Variants in FAM163A observed in about 807,000 individuals in gnomAD.
The protein encoded by FAM163A is protein FAM163A.
Under a neutral mutation model 12.0 loss-of-function variants are expected in FAM163A, and 7 were observed. The ratio of observed to expected loss-of-function variants is 0.58; its 90% confidence interval spans 0.33 to 1.10. FAM163A has a LOEUF of 1.10. FAM163A is among the 50% of genes least tolerant of loss of function. FAM163A has a pLI of 0.03. For missense variants in FAM163A, 202 were observed against 218.6 expected (o/e 0.92, Z 0.48); for synonymous variants, 101 against 91.0 (o/e 1.11, Z -0.62).
chr1:179,755,696 A>G (rs1395314095), intron 1 of FAM163A, among the ~76,000 whole-genome samples: 1 of 152,202 alleles, frequency 6.6e-6, no homozygotes, highest in African/African-American at 2.4e-5. Flanking sequence ...TCCCAGGGGA[A>G]GCAACCACCA....
intron 1 of FAM163A, among the ~76,000 whole-genome samples, chr1:179,744,352 G>C (rs1306037765): frequency 6.6e-6 from 1 of 152,042 alleles, no homozygotes; most frequent in African/African-American, 2.4e-5. Context: ...AGAGCAGAGC[G>C]GGCAAGCAGA....
chr1:179,754,138 T>C (rs535706661), intron 1 of FAM163A, among the ~76,000 whole-genome samples: 35 of 152,300 alleles, frequency 2.3e-4, no homozygotes, highest in African/African-American at 8.4e-4. Flanking sequence ...CTCTTTTTTT[T>C]TCTAAGCACT....
At chr1:179,769,576 C>T (rs1408233191) in intron 1 of FAM163A, among the ~76,000 whole-genome samples, 3 of 152,148 alleles carry the variant, frequency 2.0e-5, no homozygotes, top group Non-Finnish European at 2.9e-5. Flanking sequence ...ATTGTAAGCT[C>T]TGGAAAATAA....
At chr1:179,733,518 C>A in the FAM163A span, among the ~76,000 whole-genome samples, 3 of 152,060 alleles carry the variant, frequency 2.0e-5, no homozygotes, top group African/African-American at 7.3e-5. Context: ...AAAATTAAGA[C>A]CCTCACAGAG....
At chr1:179,763,749 A>T (rs893464832) in intron 1 of FAM163A, among the ~76,000 whole-genome samples, 1 of 152,212 alleles carries the variant, frequency 6.6e-6, no homozygotes, top group Non-Finnish European at 1.5e-5. Flanking sequence ...CATTTTACAG[A>T]TGCAGAAACT....
rs1223608887 is a variant in FAM163A, at chr1:179,811,536, A to G, written c.-44-574A>G. On this transcript the variant is annotated intron_variant, in intron 2 of 4. Coordinates refer to ENST00000341785, the MANE Select transcript of FAM163A (RefSeq NM_173509.3). ...AGGCCTGTGGGGGGCCTGAGATGCT[A>G]TCTTTCTAATGGTGCTCCCAGGTGA... 2.0e-5 allele frequency among the ~76,000 whole-genome samples: 3 copies of G among 152,196 alleles called. No homozygotes were observed. In the South Asian group the frequency reaches 6.2e-4, roughly 31 times the overall value.
chr1:179,746,843 C>G (rs1684537118), intron 1 of FAM163A, among the ~76,000 whole-genome samples: 1 of 152,152 alleles, frequency 6.6e-6, no homozygotes, highest in African/African-American at 2.4e-5. Context: ...CCCATAGTAT[C>G]TGGGCCATCC....
chr1:179,808,138 G>A (rs1204533276), intron 2 of FAM163A, among the ~76,000 whole-genome samples: 3 of 152,224 alleles, frequency 2.0e-5, no homozygotes, highest in African/African-American at 7.2e-5. Context: ...GGACACCTCA[G>A]GAGGCAGCTG....
At chr1:179,779,786 C>T (rs1689475496) in intron 1 of FAM163A, among the ~76,000 whole-genome samples, 1 of 152,236 alleles carries the variant, frequency 6.6e-6, no homozygotes, top group East Asian at 1.9e-4. Flanking sequence ...TCTGGGAATC[C>T]ACGTGAATGA....
intron 1 of FAM163A, among the ~76,000 whole-genome samples, chr1:179,758,221 A>G (rs1284118961): frequency 6.6e-6 from 1 of 152,234 alleles, no homozygotes; most frequent in Non-Finnish European, 1.5e-5. Context: ...ATGTTCAGGA[A>G]CATGCTGTGG....
chr1:179,762,932 C>T (rs897963711), intron 1 of FAM163A, among the ~76,000 whole-genome samples: 1 of 152,172 alleles, frequency 6.6e-6, no homozygotes, highest in Non-Finnish European at 1.5e-5. Flanking sequence ...AGCTGGGACT[C>T]TCTGTAACAA....
chr1:179,792,342 T>C (rs1319040988), intron 1 of FAM163A, among the ~76,000 whole-genome samples: 1 of 147,746 alleles, frequency 6.8e-6, no homozygotes, highest in African/African-American at 2.5e-5. Flanking sequence ...TTGGGTCTCT[T>C]TATGTTGACC....
At chr1:179,743,908 G>T (rs1323101469) in intron 1 of FAM163A, among the ~76,000 whole-genome samples, 1 of 152,156 alleles carries the variant, frequency 6.6e-6, no homozygotes, top group Non-Finnish European at 1.5e-5. Flanking sequence ...GCCACCCGGG[G>T]AGCATGAGGC....
the FAM163A span, among the ~76,000 whole-genome samples, chr1:179,729,204 AT>A: frequency 6.6e-6 from 1 of 152,068 alleles, no homozygotes; most frequent in East Asian, 1.9e-4. Flanking sequence ...TATCCTATGT[AT>A]TTGTGACTTC....
chr1:179,775,598 G>C lies in FAM163A; in HGVS notation c.-136+32175G>C, dbSNP rs1026062378. On this transcript the variant is annotated intron_variant, in intron 1 of 4. Coordinates refer to ENST00000341785, the MANE Select transcript of FAM163A (RefSeq NM_173509.3). ...ACACTTATAATTGTGGCTAGTGTCT[G>C]TAGATTCCTATTCAGGGGAGCCTTG... Among the ~76,000 whole-genome samples the C allele has an allele frequency of 4.2e-4, 64 of 152,208 alleles. 3 individuals are homozygous for C. Among genetic ancestry groups the C allele is most frequent in the Non-Finnish European group, 5.9e-5 (4 of 68,044 alleles).
At chr1:179,770,196 C>T (rs1044522400) in intron 1 of FAM163A, among the ~76,000 whole-genome samples, 19 of 151,900 alleles carry the variant, frequency 1.3e-4, no homozygotes, top group African/African-American at 3.4e-4. Context: ...TGAGCCACCG[C>T]GCCTGGCCTC....
intron 1 of FAM163A, among the ~76,000 whole-genome samples, chr1:179,802,324 T>G (rs1693293975): frequency 6.6e-6 from 1 of 152,198 alleles, no homozygotes; most frequent in Non-Finnish European, 1.5e-5. Flanking sequence ...CATGCTTGGT[T>G]GTTTTGTTTT....
In FAM163A at chr1:179,753,793, C is replaced by A. The variant is rs182411467; in HGVS notation, c.-136+10370C>A. On this transcript the variant is annotated intron_variant, in intron 1 of 4. Transcript: ENST00000341785. ...TGTGATGAGCACTAGGAGAAAGACTCGGTGAAGAGAGAAAGGGTGAGGACA... is the reference window on the plus strand; with the variant it reads ...TGTGATGAGCACTAGGAGAAAGACTAGGTGAAGAGAGAAAGGGTGAGGACA... 3.3e-5 allele frequency among the ~76,000 whole-genome samples: 5 copies of A among 152,114 alleles called. No individual in the cohort carries two copies. The East Asian group carries it at 9.7e-4, about 29-fold the overall frequency.
At chr1:179,744,041 C>T (rs1168160837) in intron 1 of FAM163A, among the ~76,000 whole-genome samples, 4 of 152,212 alleles carry the variant, frequency 2.6e-5, no homozygotes, top group South Asian at 2.1e-4. Flanking sequence ...GACCGGGGCT[C>T]GGTTTGCTGG....
Sources: allele counts gnomAD v4.1 joint callset (sites outside exome capture counted in the v4.1 genomes callset), GRCh38; gene constraint gnomAD v4.1.1; transcripts MANE v1.5; gene names NCBI Gene and HGNC (gene_info 2026-07-23, HGNC 2026-07-21).